Variants in DESI2 observed in about 807,000 individuals in gnomAD.
DESI2 encodes desumoylating isopeptidase 2, also known as deubiquitinase DESI2.
DESI2 carries 10 observed loss-of-function variants against 24.1 expected under a neutral mutation model. The ratio of observed to expected loss-of-function variants is 0.41; its 90% CI spans 0.26 to 0.70. The LOEUF (loss-of-function observed/expected upper bound fraction) is 0.70, where lower values mean the gene tolerates loss of function less well. Among genes scored for constraint, DESI2 ranks in the 30% least tolerant of loss-of-function variants. The pLI, the probability that DESI2 is intolerant of heterozygous loss-of-function variation, is 0.29. For synonymous variants in DESI2, 71 were observed against 87.7 expected (o/e 0.81, Z 1.06); for missense variants, 122 against 234.9 (o/e 0.52, Z 3.14).
chr1:244,699,184 G>A (rs758534714), intron 4 of DESI2, among the ~76,000 whole-genome samples: 36 of 152,188 alleles, frequency 2.4e-4, no homozygotes, highest in Non-Finnish European at 4.1e-4. Flanking sequence ...TGATCAGGAG[G>A]AAAGCAGTGA....
rs938257199 is a variant in DESI2 at position 244,692,142 on chromosome 1, T to G, written c.351+122T>G. 3 of 854,170 alleles carry G rather than the reference T, an allele frequency of 3.5e-6. No homozygotes were observed. In the African/African-American group the frequency reaches 5.2e-5, roughly 15 times the overall value. 52.9% of individuals were successfully genotyped at this position (854,170 alleles called of 1,614,324 possible). A position where few individuals can be genotyped will look rare whatever the true frequency, so the allele number is the denominator to read the frequency against. ...CCGATTTTTTGTGTTGTATGAAATA[T>G]GGTATTGTATTTCAATCTTGTATGA... On this transcript the variant is annotated intron_variant, in intron 4 of 4. Transcript: ENST00000302550.
chr1:244,693,104 C>T (rs373443257), intron 4 of DESI2, among the ~76,000 whole-genome samples: 6 of 152,260 alleles, frequency 3.9e-5, no homozygotes, highest in Admixed American at 6.5e-5. Flanking sequence ...TAGACAGCAT[C>T]CTAATCCACT....
chr1:244,680,444 A>T (rs1301366069), intron 1 of DESI2, among the ~76,000 whole-genome samples: 3 of 151,780 alleles, frequency 2.0e-5, no homozygotes, highest in Non-Finnish European at 4.4e-5. Context: ...AAAAAAAAAG[A>T]CCAGGCCAGT....
intron 1 of DESI2, among the ~76,000 whole-genome samples, chr1:244,675,956 G>A (rs1240050237): frequency 6.6e-6 from 1 of 151,896 alleles, no homozygotes; most frequent in Non-Finnish European, 1.5e-5. Flanking sequence ...ACAATGTTTT[G>A]TAGTTTTCAG....
chr1:244,675,900 C>T (rs112139148), intron 1 of DESI2, among the ~76,000 whole-genome samples: 5 of 152,156 alleles, frequency 3.3e-5, no homozygotes, highest in African/African-American at 1.2e-4. Context: ...AGTTCACAAG[C>T]GTGGAATGTC....
chr1:244,669,236 A>AT (rs1676153774), intron 1 of DESI2, among the ~76,000 whole-genome samples: 1 of 151,348 alleles, frequency 6.6e-6, no homozygotes, highest in African/African-American at 2.4e-5. Context: ...GGCTTAAGTG[A>AT]TTGTCCCACC....
intron 1 of DESI2, 111 bp from the exon 2 acceptor site, chr1:244,686,486 C>T (rs899196760): frequency 4.1e-5 from 29 of 703,126 alleles, no homozygotes; most frequent in East Asian, 2.6e-5. Context: ...ACCACTGGAT[C>T]GTTATCATGG....
At chr1:244,678,075 A>G (rs557570178) in intron 1 of DESI2, among the ~76,000 whole-genome samples, 8 of 152,302 alleles carry the variant, frequency 5.3e-5, no homozygotes, top group East Asian at 3.9e-4. Flanking sequence ...AGTTGACCTG[A>G]TAGTTCAACT....
chr1:244,662,605 T>G (rs1182644408), intron 1 of DESI2, among the ~76,000 whole-genome samples: 1 of 152,144 alleles, frequency 6.6e-6, no homozygotes, highest in African/African-American at 2.4e-5. Context: ...TTAAACAGAA[T>G]AAAGCTAATA....
intron 1 of DESI2, among the ~76,000 whole-genome samples, chr1:244,673,024 G>GT (rs1040661080): frequency 1.4e-4 from 21 of 151,940 alleles, no homozygotes; most frequent in South Asian, 1.2e-3. Flanking sequence ...TTTTGGTTTG[G>GT]TTTTTTTTAC....
chr1:244,681,085 C>T (rs1284441733), intron 1 of DESI2, among the ~76,000 whole-genome samples: 1 of 151,872 alleles, frequency 6.6e-6, no homozygotes, highest in Non-Finnish European at 1.5e-5. Context: ...TTTAGGCCAG[C>T]TTCTCTATAA....
At chr1:244,655,588 G>A (rs1675618162) in intron 1 of DESI2, among the ~76,000 whole-genome samples, 1 of 152,156 alleles carries the variant, frequency 6.6e-6, no homozygotes, top group Admixed American at 6.5e-5. Context: ...ATACACAACA[G>A]TGGCAACAAT....
At chr1:244,664,920 C>G (rs1008966713) in intron 1 of DESI2, among the ~76,000 whole-genome samples, 37 of 152,092 alleles carry the variant, frequency 2.4e-4, no homozygotes, top group Non-Finnish European at 2.5e-4. Flanking sequence ...ATGTTTGTTC[C>G]CAAGTGGAAT....
At chr1:244,690,784 C>CT (rs1250684014) in intron 3 of DESI2, among the ~76,000 whole-genome samples, 1 of 151,652 alleles carries the variant, frequency 6.6e-6, no homozygotes, top group East Asian at 1.9e-4. Context: ...TAATAGATGG[C>CT]TTGCCAAGTG....
chr1:244,669,961 TC>T (rs1432799115), intron 1 of DESI2, among the ~76,000 whole-genome samples: 5 of 69,716 alleles, frequency 7.2e-5, no homozygotes, highest in African/African-American at 1.2e-4. Context: ...TATAAATAAT[TC>T]TTTTTTTTTT....
chr1:244,657,861 C>G (rs969600359), intron 1 of DESI2, among the ~76,000 whole-genome samples: 2 of 152,160 alleles, frequency 1.3e-5, no homozygotes, highest in Admixed American at 1.3e-4. Flanking sequence ...AAAAACTTAC[C>G]AGAGCCCCAC....
intron 1 of DESI2, among the ~76,000 whole-genome samples, chr1:244,677,245 G>T (rs1055204144): frequency 6.6e-5 from 10 of 152,126 alleles, no homozygotes; most frequent in Non-Finnish European, 1.5e-4. Context: ...CTCATTAGAG[G>T]TTATTTAGAT....
chr1:244,687,982 T>G (rs1159988262), intron 2 of DESI2, among the ~76,000 whole-genome samples: 5 of 152,226 alleles, frequency 3.3e-5, no homozygotes, highest in African/African-American at 1.2e-4. Flanking sequence ...CTGAAGAAAC[T>G]GAGGCCCAAA....
intron 1 of DESI2, among the ~76,000 whole-genome samples, chr1:244,671,753 G>A (rs919220377): frequency 2.6e-5 from 4 of 152,082 alleles, no homozygotes; most frequent in African/African-American, 9.7e-5. Flanking sequence ...CATGTTATTG[G>A]CTATGATTTT....
Sources: allele counts gnomAD v4.1 joint callset (sites outside exome capture counted in the v4.1 genomes callset), GRCh38; gene constraint gnomAD v4.1.1; transcripts MANE v1.5; gene names NCBI Gene and HGNC (gene_info 2026-07-23, HGNC 2026-07-21).